KCNQ5: variants seen among roughly 807,000 people sequenced by gnomAD.
The protein encoded by KCNQ5 is potassium voltage-gated channel subfamily KQT member 5.
In KCNQ5, 30 loss-of-function variants were observed where a neutral mutation model predicts 98.2. That is an observed-to-expected ratio of 0.31 (90% CI 0.23 to 0.41). The LOEUF (loss-of-function observed/expected upper bound fraction) is 0.41. Ranked by LOEUF, KCNQ5 falls within the 10% of genes least tolerant of loss-of-function variation. The probability of loss-of-function intolerance (pLI) is 1.00; values close to 1 mark genes in which losing one functional copy is unlikely to be tolerated. For missense variants in KCNQ5, 835 were observed against 1,182.5 expected (o/e 0.71, Z 4.31); for synonymous variants, 458 against 449.4 (o/e 1.02, Z -0.24).
chr6:73,079,788 G>C (rs1046103674), intron 5 of KCNQ5, among the ~76,000 whole-genome samples: 2 of 152,204 alleles, frequency 1.3e-5, no homozygotes, highest in African/African-American at 4.8e-5. Flanking sequence ...CTTTTTATAT[G>C]TAGAGAGCAA....
intron 2 of KCNQ5, among the ~76,000 whole-genome samples, chr6:73,034,346 A>T (rs544719085): frequency 6.6e-6 from 1 of 152,374 alleles, no homozygotes; most frequent in Middle Eastern, 3.4e-3. Context: ...TCTGAATAAA[A>T]GCAATAGTTC....
intron 7 of KCNQ5, among the ~76,000 whole-genome samples, chr6:73,116,994 T>A (rs991584838): frequency 4.6e-5 from 7 of 152,246 alleles, no homozygotes; most frequent in Admixed American, 6.5e-5. Context: ...ACTGGCCTTG[T>A]ACTTATTGAG....
At chr6:72,828,272 T>C (rs1776087659) in intron 1 of KCNQ5, among the ~76,000 whole-genome samples, 1 of 152,128 alleles carries the variant, frequency 6.6e-6, no homozygotes, top group African/African-American at 2.4e-5. Context: ...AATAATGTCA[T>C]TGGTATTTTG....
At chr6:72,907,880 T>TC (rs2150201922) in intron 1 of KCNQ5, among the ~76,000 whole-genome samples, 1 of 152,138 alleles carries the variant, frequency 6.6e-6, no homozygotes, top group South Asian at 2.1e-4. Flanking sequence ...GATGTAATGT[T>TC]CCAAATCCAC....
intron 1 of KCNQ5, among the ~76,000 whole-genome samples, chr6:72,842,701 C>G (rs1187021874): frequency 6.6e-6 from 1 of 152,190 alleles, no homozygotes; most frequent in African/African-American, 2.4e-5. Flanking sequence ...GATGGTATCT[C>G]ATTGCAGTTT....
At chr6:72,915,927 A>G (rs1780118392) in intron 1 of KCNQ5, among the ~76,000 whole-genome samples, 1 of 152,222 alleles carries the variant, frequency 6.6e-6, no homozygotes, top group African/African-American at 2.4e-5. Flanking sequence ...AATCATAATC[A>G]GTACCAAAAT....
At chr6:72,750,876 C>T (rs144273640) in intron 1 of KCNQ5, among the ~76,000 whole-genome samples, 1 of 152,048 alleles carries the variant, frequency 6.6e-6, no homozygotes, top group East Asian at 1.9e-4. Flanking sequence ...TTGCTCAAGC[C>T]TTCCACTTCC....
chr6:72,936,317 G>T (rs139887966), intron 1 of KCNQ5, among the ~76,000 whole-genome samples: 2 of 151,738 alleles, frequency 1.3e-5, no homozygotes, highest in East Asian at 3.9e-4. Context: ...TTATTTTCTT[G>T]TGCCTGATCT....
intron 1 of KCNQ5, among the ~76,000 whole-genome samples, chr6:72,675,518 C>G (rs1158715355): frequency 1.3e-5 from 2 of 152,176 alleles, no homozygotes; most frequent in African/African-American, 4.8e-5. Context: ...TGGTGTCTGC[C>G]CCTACTTTGT....
chr6:72,778,064 G>A lies in KCNQ5; in HGVS notation c.398+155477G>A, dbSNP rs149032369. Among the ~76,000 whole-genome samples, 1,101 of 152,226 alleles carry A rather than the reference G, an allele frequency of 7.2e-3. 6 individuals carry two copies. The highest frequency in any genetic ancestry group is 7.3e-3 in the Admixed American group (111 of 15,274). On this transcript the variant is annotated intron_variant, in intron 1 of 13. Coordinates refer to ENST00000370398, the MANE Select transcript of KCNQ5 (RefSeq NM_019842.4). ...GTAAGAGAAAAACATGAACGTGGATGCCATTTTTCAAGGAGAGTCTCTAGC... is the reference window on the plus strand; with the variant it reads ...GTAAGAGAAAAACATGAACGTGGATACCATTTTTCAAGGAGAGTCTCTAGC...
intron 1 of KCNQ5, among the ~76,000 whole-genome samples, chr6:72,644,027 C>A (rs1765464085): frequency 6.6e-6 from 1 of 151,372 alleles, no homozygotes; most frequent in Non-Finnish European, 1.5e-5. Flanking sequence ...GAAAAAAAAA[C>A]ACACAAGGTA....
In KCNQ5 at chr6:72,666,918, T is replaced by G. The variant is rs563886240; in HGVS notation, c.398+44331T>G. On this transcript the variant is annotated intron_variant, in intron 1 of 13. Transcript: ENST00000370398. ...GGTTTCCATCTTTTACAATTACATG[T>G]TCCATTGTTTATAGATATACTACAA... 3.8e-4 allele frequency among the ~76,000 whole-genome samples: 58 copies of G among 152,334 alleles called. No individual in the cohort carries two copies. In the South Asian group the frequency reaches 0.01, roughly 27 times the overall value.
intron 1 of KCNQ5, among the ~76,000 whole-genome samples, chr6:72,916,374 G>A (rs1218119679): frequency 6.6e-6 from 1 of 152,152 alleles, no homozygotes. Flanking sequence ...ATTAGCTCAT[G>A]CTCTCTAAGA....
intron 1 of KCNQ5, among the ~76,000 whole-genome samples, chr6:72,979,746 C>T (rs1267987367): frequency 3.9e-5 from 6 of 152,060 alleles, no homozygotes; most frequent in African/African-American, 1.2e-4. Context: ...ATGAAGTCCT[C>T]GCCTGTGCCT....
At chr6:72,635,111 C>A (rs1383216745) in intron 1 of KCNQ5, among the ~76,000 whole-genome samples, 2 of 151,544 alleles carry the variant, frequency 1.3e-5, no homozygotes, top group East Asian at 3.9e-4. Context: ...ACTGCAGCCT[C>A]CATCACCCAC....
intron 2 of KCNQ5, among the ~76,000 whole-genome samples, chr6:73,020,517 T>C (rs1298147032): frequency 6.6e-6 from 1 of 152,158 alleles, no homozygotes; most frequent in Non-Finnish European, 1.5e-5. Flanking sequence ...TCAAACCTTG[T>C]CCTTTTTTAT....
chr6:72,666,363 A>T (rs184760841), intron 1 of KCNQ5, among the ~76,000 whole-genome samples: 126 of 152,334 alleles, frequency 8.3e-4, no homozygotes, highest in African/African-American at 2.9e-3. Flanking sequence ...TGGAGAAGTC[A>T]CATCTTATCC....
At chr6:72,823,534 G>A (rs568658085) in intron 1 of KCNQ5, among the ~76,000 whole-genome samples, 34 of 152,178 alleles carry the variant, frequency 2.2e-4, no homozygotes, top group Admixed American at 5.2e-4. Context: ...TTTTTTCAGC[G>A]TTAGTATTTG....
At chr6:72,739,148 G>A (rs1003534998) in intron 1 of KCNQ5, among the ~76,000 whole-genome samples, 6 of 152,104 alleles carry the variant, frequency 3.9e-5, no homozygotes, top group African/African-American at 7.2e-5. Flanking sequence ...CTTGTGTGGA[G>A]CCACCGGGTA....
Sources: allele counts gnomAD v4.1 joint callset (sites outside exome capture counted in the v4.1 genomes callset), GRCh38; gene constraint gnomAD v4.1.1; transcripts MANE v1.5; gene names NCBI Gene and HGNC (gene_info 2026-07-23, HGNC 2026-07-21).